The following CCL28 variants were observed in gnomAD, a reference collection of about 807,000 sequenced individuals.
CCL28 encodes C-C motif chemokine 28.
In CCL28, 4 loss-of-function variants were observed where a neutral mutation model predicts 7.1. That is an observed-to-expected ratio of 0.56 (90% CI 0.28 to 1.29). CCL28 has a LOEUF of 1.29. Ranked by LOEUF, CCL28 falls within the 50% of genes most tolerant of loss-of-function variation. The probability of loss-of-function intolerance (pLI) is 0.11; values close to 1 mark genes in which losing one functional copy is unlikely to be tolerated. For synonymous variants in CCL28, 55 were observed against 57.8 expected (o/e 0.95, Z 0.22); for missense variants, 151 against 163.4 (o/e 0.92, Z 0.41).
At chr5:43,370,650 G>A in the CCL28 span, among the ~76,000 whole-genome samples, 16 of 151,902 alleles carry the variant, frequency 1.1e-4, no homozygotes, top group Non-Finnish European at 1.5e-4. Flanking sequence ...GCACCTTCTT[G>A]AGAAGGTCTG....
chr5:43,410,394 T>C (rs1042634884), intron 1 of CCL28, among the ~76,000 whole-genome samples: 4 of 152,226 alleles, frequency 2.6e-5, no homozygotes, highest in African/African-American at 9.6e-5. Flanking sequence ...GACAGAAGTT[T>C]GGAGCTTCTC....
intron 1 of CCL28, among the ~76,000 whole-genome samples, chr5:43,393,982 T>C (rs1224109930): frequency 6.6e-6 from 1 of 152,256 alleles, no homozygotes; most frequent in Admixed American, 6.5e-5. Flanking sequence ...TGTGCTGCCG[T>C]ACATGCTTGT....
intron 1 of CCL28, among the ~76,000 whole-genome samples, chr5:43,395,502 C>A (rs1740759740): frequency 6.6e-6 from 1 of 152,000 alleles, no homozygotes; most frequent in African/African-American, 2.4e-5. Context: ...CATAGTGAGA[C>A]CCTGTCTCTA....
At chr5:43,360,977 C>T in the CCL28 span, among the ~76,000 whole-genome samples, 44 of 152,244 alleles carry the variant, frequency 2.9e-4, no homozygotes, top group African/African-American at 9.9e-4. Flanking sequence ...CATGCTCTCC[C>T]TCCCCTGGCA....
At chr5:43,408,464 G>T (rs549904008) in intron 1 of CCL28, among the ~76,000 whole-genome samples, 2 of 152,308 alleles carry the variant, frequency 1.3e-5, no homozygotes, top group South Asian at 4.1e-4. Context: ...CCAGGGTGGG[G>T]AACATCACAC....
intron 1 of CCL28, among the ~76,000 whole-genome samples, chr5:43,401,183 G>A (rs765885225): frequency 6.6e-6 from 1 of 152,152 alleles, no homozygotes; most frequent in Non-Finnish European, 1.5e-5. Flanking sequence ...CCTTAATGTA[G>A]CCAGATCATG....
chr5:43,372,388 A>C (rs2111638799), downstream of CCL28, among the ~76,000 whole-genome samples: 1 of 152,292 alleles, frequency 6.6e-6, no homozygotes, highest in African/African-American at 2.4e-5. Context: ...TGTTTGCTTG[A>C]GACAGAATCT....
chr5:43,406,127 A>G (rs1317897853), intron 1 of CCL28, among the ~76,000 whole-genome samples: 8 of 152,088 alleles, frequency 5.3e-5, no homozygotes, highest in Admixed American at 3.9e-4. Context: ...AAAAGAGGGA[A>G]TCCTCCCTAA....
intron 1 of CCL28, among the ~76,000 whole-genome samples, chr5:43,407,327 G>A (rs1192739150): frequency 6.6e-6 from 1 of 152,182 alleles, no homozygotes; most frequent in Non-Finnish European, 1.5e-5. Context: ...AGAGTCCTCG[G>A]AAATAATACC....
chr5:43,366,416 C>A, the CCL28 span, among the ~76,000 whole-genome samples: 14 of 152,210 alleles, frequency 9.2e-5, no homozygotes, highest in African/African-American at 3.1e-4. Context: ...TTCTAACAGT[C>A]AGGCTCCTCT....
At chr5:43,393,645 G>A (rs1579735504) in intron 1 of CCL28, among the ~76,000 whole-genome samples, 2 of 152,088 alleles carry the variant, frequency 1.3e-5, no homozygotes, top group African/African-American at 2.4e-5. Flanking sequence ...GTGAGCCACC[G>A]CGCCCGGCCT....
chr5:43,411,719 A>C (rs1474066436), intron 1 of CCL28, among the ~76,000 whole-genome samples: 1 of 152,212 alleles, frequency 6.6e-6, no homozygotes, highest in Admixed American at 6.5e-5. Flanking sequence ...GGCATGCACC[A>C]CTGTGCTCAG....
the CCL28 span, among the ~76,000 whole-genome samples, chr5:43,364,978 A>G: frequency 6.8e-6 from 1 of 147,866 alleles, no homozygotes; most frequent in African/African-American, 2.5e-5. Context: ...CGTCTCCTGC[A>G]TACACCACAC....
intron 1 of CCL28, among the ~76,000 whole-genome samples, chr5:43,404,090 A>G (rs1022203780): frequency 6.6e-6 from 1 of 152,240 alleles, no homozygotes; most frequent in African/African-American, 2.4e-5. Flanking sequence ...ACTCTTCAGG[A>G]TATCATCCAG....
the CCL28 span, among the ~76,000 whole-genome samples, chr5:43,359,229 G>T: frequency 6.6e-6 from 1 of 152,172 alleles, no homozygotes; most frequent in African/African-American, 2.4e-5. Flanking sequence ...AGAATCAGGG[G>T]ACTCATAGCC....
chr5:43,404,593 G>C (rs1183616223), intron 1 of CCL28, among the ~76,000 whole-genome samples: 1 of 152,148 alleles, frequency 6.6e-6, no homozygotes, highest in African/African-American at 2.4e-5. Flanking sequence ...GGAAGAAACT[G>C]CATCAACTAA....
chr5:43,404,717 C>T (rs866580604), intron 1 of CCL28, among the ~76,000 whole-genome samples: 9 of 152,186 alleles, frequency 5.9e-5, no homozygotes, highest in African/African-American at 2.2e-4. Flanking sequence ...GACTGGCAAA[C>T]TGGATAAAGA....
chr5:43,397,034 CCTG>C (rs1740839332), intron 1 of CCL28: 1 of 152,268 alleles, frequency 6.6e-6, no homozygotes, highest in Non-Finnish European at 1.5e-5. Flanking sequence ...GCGCCACTGA[CCTG>C]GTGAGGAGGC....
chr5:43,397,382 C>T (rs1016764801), intron 1 of CCL28: 2 of 151,590 alleles, frequency 1.3e-5, no homozygotes, highest in Non-Finnish European at 2.9e-5. Context: ...GTTAAAATCT[C>T]CCACTGTTAT....
Sources: allele counts gnomAD v4.1 joint callset (sites outside exome capture counted in the v4.1 genomes callset), GRCh38; gene constraint gnomAD v4.1.1; transcripts MANE v1.5; gene names NCBI Gene and HGNC (gene_info 2026-07-23, HGNC 2026-07-21).